DLG2: variants seen among roughly 807,000 people sequenced by gnomAD.
The protein encoded by DLG2 is disks large homolog 2.
DLG2 carries 45 observed loss-of-function variants against 132.5 expected under a neutral mutation model. The ratio of observed to expected loss-of-function variants is 0.34; its 90% CI spans 0.27 to 0.44. DLG2 has a LOEUF of 0.44. DLG2 is among the 20% of genes least tolerant of loss of function. The pLI is 1.00. For missense variants in DLG2, 1,045 were observed against 1,196.9 expected (o/e 0.87, Z 1.87); for synonymous variants, 424 against 419.6 (o/e 1.01, Z -0.13).
intron 12 of DLG2, among the ~76,000 whole-genome samples, chr11:83,973,749 A>T (rs35812794): frequency 0.043 from 6,612 of 152,088 alleles, 200 homozygotes; most frequent in Non-Finnish European, 0.067. Flanking sequence ...CCAGAAATCC[A>T]GATTTGATTA....
intron 8 of DLG2, among the ~76,000 whole-genome samples, chr11:84,189,853 G>A (rs1367796022): frequency 2.0e-5 from 3 of 152,076 alleles, no homozygotes; most frequent in Non-Finnish European, 2.9e-5. Context: ...AGGGCATCAG[G>A]AAGGATAGCT....
At chr11:84,335,160 CAAAA>C (rs58944265) in intron 7 of DLG2, among the ~76,000 whole-genome samples, 12 of 62,672 alleles carry the variant, frequency 1.9e-4, no homozygotes, top group South Asian at 1.7e-3. Context: ...ATAAAGAAAG[CAAAA>C]AAAAAAAAAA....
intron 3 of DLG2, among the ~76,000 whole-genome samples, chr11:85,386,405 C>T (rs538451325): frequency 1.3e-5 from 2 of 152,080 alleles, no homozygotes; most frequent in South Asian, 4.2e-4. Context: ...ATGTCGACAC[C>T]CTACCTCCAG....
intron 6 of DLG2, among the ~76,000 whole-genome samples, chr11:84,680,167 C>T (rs985077350): frequency 6.6e-6 from 1 of 152,134 alleles, no homozygotes; most frequent in African/African-American, 2.4e-5. Flanking sequence ...AAACCATAGT[C>T]AACCTCCTTC....
chr11:84,160,981 A>T (rs941188864), intron 9 of DLG2, among the ~76,000 whole-genome samples: 4 of 152,220 alleles, frequency 2.6e-5, no homozygotes, highest in African/African-American at 9.6e-5. Flanking sequence ...TTGTTGTCCC[A>T]GAGTATGAGA....
chr11:83,649,161 G>A (rs1316609786), intron 18 of DLG2, among the ~76,000 whole-genome samples: 1 of 152,020 alleles, frequency 6.6e-6, no homozygotes, highest in African/African-American at 2.4e-5. Flanking sequence ...CTAAGTATAG[G>A]AACCACTGTA....
At chr11:84,929,906 T>A (rs1251820416) in intron 6 of DLG2, among the ~76,000 whole-genome samples, 1 of 152,096 alleles carries the variant, frequency 6.6e-6, no homozygotes, top group Non-Finnish European at 1.5e-5. Context: ...AAGATTTTTT[T>A]AAATTCCTTA....
intron 19 of DLG2, among the ~76,000 whole-genome samples, chr11:83,620,730 C>A (rs138162949): frequency 1.3e-5 from 2 of 150,798 alleles, no homozygotes; most frequent in African/African-American, 4.9e-5. Context: ...ATTAGCCGGG[C>A]GTAGTGGCGG....
At chr11:83,735,919 C>G (rs184220734) in intron 18 of DLG2, among the ~76,000 whole-genome samples, 3 of 152,208 alleles carry the variant, frequency 2.0e-5, no homozygotes, top group Non-Finnish European at 2.9e-5. Context: ...CAGATTCACT[C>G]TCTGCCACCA....
chr11:83,643,419 G>A (rs1165754885), intron 18 of DLG2, among the ~76,000 whole-genome samples: 1 of 152,190 alleles, frequency 6.6e-6, no homozygotes, highest in Non-Finnish European at 1.5e-5. Flanking sequence ...TGCACAAATT[G>A]TAGTTTAATT....
intron 10 of DLG2, among the ~76,000 whole-genome samples, chr11:84,077,441 G>A (rs969319097): frequency 2.6e-5 from 4 of 152,108 alleles, no homozygotes; most frequent in African/African-American, 9.7e-5. Context: ...TCTGCATTCT[G>A]TGCCTCTCCT....
chr11:84,648,467 T>C (rs944502102), intron 6 of DLG2, among the ~76,000 whole-genome samples: 2 of 152,278 alleles, frequency 1.3e-5, no homozygotes, highest in African/African-American at 4.8e-5. Flanking sequence ...TTCTTGACTT[T>C]CATTTTATTT....
At chr11:84,343,690 C>T (rs1016068655) in intron 7 of DLG2, among the ~76,000 whole-genome samples, 37 of 152,018 alleles carry the variant, frequency 2.4e-4, no homozygotes, top group Middle Eastern at 6.8e-3. Context: ...ATTTCCAGGG[C>T]GATTGGTACA....
chr11:84,077,433 T>C (rs916455312), intron 10 of DLG2, among the ~76,000 whole-genome samples: 5 of 152,356 alleles, frequency 3.3e-5, no homozygotes, highest in Non-Finnish European at 7.3e-5. Flanking sequence ...AACACTCTTC[T>C]GCATTCTGTG....
At chr11:83,503,643 G>A (rs911462966) in intron 21 of DLG2, among the ~76,000 whole-genome samples, 1 of 151,736 alleles carries the variant, frequency 6.6e-6, no homozygotes, top group African/African-American at 2.4e-5. Flanking sequence ...GACCAGTCTA[G>A]TCTTTTCACA....
At chr11:83,633,102 T>A (rs2063852434) in intron 19 of DLG2, 109 bp downstream of exon 19, 1 of 906,164 alleles carries the variant, frequency 1.1e-6, no homozygotes. Context: ...AGTGTACTGA[T>A]GAAAGTGGGT....
intron 6 of DLG2, among the ~76,000 whole-genome samples, chr11:85,097,688 G>A (rs2070113892): frequency 6.6e-6 from 1 of 152,164 alleles, no homozygotes; most frequent in South Asian, 2.1e-4. Context: ...ACAAAAAGCT[G>A]TATTTCTGTT....
intron 3 of DLG2, among the ~76,000 whole-genome samples, chr11:85,420,069 T>C (rs2090169564): frequency 6.6e-6 from 1 of 152,236 alleles, no homozygotes; most frequent in Admixed American, 6.5e-5. Flanking sequence ...TTTTCATGGA[T>C]TTATCTACCT....
At chr11:85,617,187 C>G (rs912720894) in intron 2 of DLG2, among the ~76,000 whole-genome samples, 4 of 152,148 alleles carry the variant, frequency 2.6e-5, no homozygotes, top group Non-Finnish European at 4.4e-5. Context: ...TTTTAGTAGC[C>G]AAATCTTCTG....
Sources: gnomAD v4.1 joint callset for allele counts (sites outside exome capture counted in the v4.1 genomes callset) on GRCh38, gnomAD v4.1.1 for gene constraint, MANE v1.5 for transcripts, NCBI Gene and HGNC (gene_info 2026-07-23, HGNC 2026-07-21) for gene names.